The following PEX5L variants were observed in gnomAD, a reference collection of about 807,000 sequenced individuals.
The protein encoded by PEX5L is PEX5-related protein.
PEX5L carries 30 observed loss-of-function variants against 84.0 expected under a neutral mutation model. The observed-to-expected ratio is 0.36, with a 90% CI of 0.27 to 0.48. PEX5L has a LOEUF of 0.48. Ranked by LOEUF, PEX5L falls within the 20% of genes least tolerant of loss-of-function variation. The pLI is 0.99. For synonymous variants in PEX5L, 270 were observed against 283.1 expected (o/e 0.95, Z 0.46); for missense variants, 533 against 754.6 (o/e 0.71, Z 3.44).
chr3:179,917,669 A>G (rs1182112362), intron 2 of PEX5L, among the ~76,000 whole-genome samples: 2 of 151,476 alleles, frequency 1.3e-5, no homozygotes, highest in African/African-American at 4.9e-5. Flanking sequence ...TTTTTTTTTG[A>G]GACGGAGTTT....
chr3:179,852,186 C>T (rs1742157773), intron 8 of PEX5L, among the ~76,000 whole-genome samples: 1 of 152,150 alleles, frequency 6.6e-6, no homozygotes, highest in Non-Finnish European at 1.5e-5. Context: ...TGGAATTAAG[C>T]TGCTGGCTGG....
At chr3:179,927,720 C>A (rs998338243) in intron 2 of PEX5L, among the ~76,000 whole-genome samples, 25 of 151,724 alleles carry the variant, frequency 1.6e-4, no homozygotes, top group African/African-American at 5.8e-4. Flanking sequence ...AAAACAAAAC[C>A]AAACAAAACC....
intron 1 of PEX5L, among the ~76,000 whole-genome samples, chr3:179,988,599 C>A (rs569851851): frequency 6.6e-6 from 1 of 152,236 alleles, no homozygotes; most frequent in Non-Finnish European, 1.5e-5. Flanking sequence ...ATGGTGGCAA[C>A]AAACCCAAGT....
rs1367786857 is a variant in PEX5L, at chr3:179,795,883, T to C, written c.*5945A>G. On this transcript the variant is annotated 3_prime_UTR_variant, in exon 15 of 15. Transcript: ENST00000467460. ...GTTTAATAAATTAATCAGTTTTTTT[T>C]CAACCAATGTAAACAAATTTGGGCA... is the stretch of plus-strand genomic sequence containing the variant. The C allele has an allele frequency of 2.0e-5, 3 of 152,208 alleles. No homozygotes were observed. The highest frequency in any genetic ancestry group is 4.4e-5 in the Non-Finnish European group (3 of 68,038). 9.4% of individuals were successfully genotyped at this position (152,208 alleles called of 1,614,324 possible).
At chr3:179,963,311 G>T (rs1427899798) in intron 2 of PEX5L, among the ~76,000 whole-genome samples, 1 of 152,176 alleles carries the variant, frequency 6.6e-6, no homozygotes, top group East Asian at 1.9e-4. Context: ...CATCAGCAAT[G>T]CCTCCTGCTC....
At chr3:179,939,457 G>A (rs932078210) in intron 2 of PEX5L, among the ~76,000 whole-genome samples, 22 of 152,292 alleles carry the variant, frequency 1.4e-4, no homozygotes, top group African/African-American at 4.6e-4. Flanking sequence ...AAAGCAAGAT[G>A]TTCAGAGGGT....
Position 180,010,246 on chromosome 3 carries a change from C to CTTTTTTTTTTTTTTTTTT in PEX5L, c.21+26315_21+26332dup. On this transcript the variant is annotated intron_variant, in intron 1 of 14. Transcript: ENST00000467460. ...AGGCGTGAGCCACTGCACCCGGCCT[C>CTTTTTTTTTTTTTTTTTT]TTTTTTTTTTTTTTTTTTTTCTGTA... Among the ~76,000 whole-genome samples the CTTTTTTTTTTTTTTTTTT allele has an allele frequency of 2.9e-3, 308 of 105,130 alleles. 20 individuals are homozygous for CTTTTTTTTTTTTTTTTTT. The highest frequency in any genetic ancestry group is 5.3e-3 in the African/African-American group (123 of 23,088). 69.0% of individuals were successfully genotyped at this position (105,130 alleles called of 152,430 possible). A position where few individuals can be genotyped will look rare whatever the true frequency, so the allele number is the denominator to read the frequency against.
chr3:179,838,077 C>G (rs754761469), intron 8 of PEX5L, among the ~76,000 whole-genome samples: 3 of 152,172 alleles, frequency 2.0e-5, no homozygotes, highest in African/African-American at 4.8e-5. Flanking sequence ...TTTTTAGATA[C>G]AGACTGTCAA....
intron 3 of PEX5L, 124 bp downstream of exon 3, chr3:179,898,018 C>T: frequency 5.8e-6 from 3 of 520,994 alleles, no homozygotes; most frequent in Admixed American, 3.6e-5. Flanking sequence ...ATAATTGTTT[C>T]ATTGAAACTG....
At chr3:179,917,607 A>T (rs1767670776) in intron 2 of PEX5L, among the ~76,000 whole-genome samples, 1 of 152,144 alleles carries the variant, frequency 6.6e-6, no homozygotes, top group Non-Finnish European at 1.5e-5. Flanking sequence ...GTTCCATTAA[A>T]ATCTCATGGG....
chr3:179,959,836 G>T lies in PEX5L; in HGVS notation c.93+11758C>A, dbSNP rs115613920. Reference sequence around the variant, plus strand: ...CCACATGGGAAGAACCACTGTGGCAGCAGAGCAGAATAAGGACAAATTATT... The same window carrying T: ...CCACATGGGAAGAACCACTGTGGCATCAGAGCAGAATAAGGACAAATTATT... On this transcript the variant is annotated intron_variant, in intron 2 of 14. Coordinates refer to ENST00000467460, the MANE Select transcript of PEX5L (RefSeq NM_016559.3). Among the ~76,000 whole-genome samples, 1,077 of 152,266 alleles carry T rather than the reference G, an allele frequency of 7.1e-3. 16 individuals carry two copies. The highest frequency in any genetic ancestry group is 0.024 in the African/African-American group (1,008 of 41,552).
At chr3:179,948,076 T>C (rs577676193) in intron 2 of PEX5L, among the ~76,000 whole-genome samples, 19 of 152,286 alleles carry the variant, frequency 1.2e-4, no homozygotes, top group Middle Eastern at 3.4e-3. Flanking sequence ...ATTTAGAACA[T>C]TGTTATTAAT....
At chr3:179,976,157 G>T (rs113305749) in intron 1 of PEX5L, among the ~76,000 whole-genome samples, 1 of 152,246 alleles carries the variant, frequency 6.6e-6, no homozygotes, top group African/African-American at 2.4e-5. Flanking sequence ...CTCAGTAAAT[G>T]ATGAGGAAGA....
At chr3:180,024,544 CA>C (rs59981273) in intron 1 of PEX5L, among the ~76,000 whole-genome samples, 1,529 of 107,156 alleles carry the variant, frequency 0.014, 19 homozygotes, top group African/African-American at 0.035. Flanking sequence ...GACTCCGTTT[CA>C]AAAAAAAAAA....
chr3:179,868,827 G>A (rs1749281193), intron 7 of PEX5L, among the ~76,000 whole-genome samples: 1 of 151,956 alleles, frequency 6.6e-6, no homozygotes, highest in Non-Finnish European at 1.5e-5. Context: ...CCCATGCTCT[G>A]AGCCCATATT....
At chr3:179,931,895 T>C (rs1773216491) in intron 2 of PEX5L, among the ~76,000 whole-genome samples, 1 of 151,718 alleles carries the variant, frequency 6.6e-6, no homozygotes, top group Non-Finnish European at 1.5e-5. Context: ...ACAGTGTTTT[T>C]GGATGGCAGA....
intron 3 of PEX5L, among the ~76,000 whole-genome samples, chr3:179,894,196 A>G (rs953578403): frequency 6.6e-6 from 1 of 152,102 alleles, no homozygotes; most frequent in African/African-American, 2.4e-5. Context: ...CAATATAGTG[A>G]CCATACAGTG....
At chr3:179,933,538 A>G (rs1462434809) in intron 2 of PEX5L, among the ~76,000 whole-genome samples, 1 of 152,196 alleles carries the variant, frequency 6.6e-6, no homozygotes, top group African/African-American at 2.4e-5. Context: ...TCTAAAAGAC[A>G]TTGGAAACTA....
intron 2 of PEX5L, among the ~76,000 whole-genome samples, chr3:179,913,593 A>G (rs1386398707): frequency 1.3e-5 from 2 of 152,154 alleles, no homozygotes; most frequent in East Asian, 3.8e-4. Flanking sequence ...GAAAAGTGAA[A>G]ATAAAGATGT....
Sources: gnomAD v4.1 joint callset for allele counts (sites outside exome capture counted in the v4.1 genomes callset) on GRCh38, gnomAD v4.1.1 for gene constraint, MANE v1.5 for transcripts, NCBI Gene and HGNC (gene_info 2026-07-23, HGNC 2026-07-21) for gene names.